Variants in RCAN1 observed in about 807,000 individuals in gnomAD.
The protein encoded by RCAN1 is calcipressin-1.
Under a neutral mutation model 22.9 loss-of-function variants are expected in RCAN1, and 11 were observed. The ratio of observed to expected loss-of-function variants is 0.48; its 90% CI spans 0.30 to 0.79. The LOEUF is 0.79. Ranked by LOEUF, RCAN1 falls within the 30% of genes least tolerant of loss-of-function variation. RCAN1 has a pLI of 0.06. For missense variants in RCAN1, 291 were observed against 337.8 expected (o/e 0.86, Z 1.09); for synonymous variants, 136 against 142.3 (o/e 0.96, Z 0.32).
In RCAN1 at chr21:34,556,877, T is replaced by C. The variant is rs560496813; in HGVS notation, c.253-33167A>G. ...GCCATGCTGAGAAGGGTGCTTTCAC[T>C]GCACTCCTGATGAAAATATGGGGAC... On this transcript the variant is annotated intron_variant, in intron 1 of 3. Transcript: ENST00000313806. Among the ~76,000 whole-genome samples the C allele has an allele frequency of 1.4e-3, 219 of 152,296 alleles. 1 individual carries two copies. The highest frequency in any genetic ancestry group is 2.6e-3 in the Non-Finnish European group (178 of 68,024).
chr21:34,552,138 C>T (rs1986392277), intron 1 of RCAN1, among the ~76,000 whole-genome samples: 1 of 152,144 alleles, frequency 6.6e-6, no homozygotes, highest in South Asian at 2.1e-4. Flanking sequence ...GAAGGGCTGG[C>T]TCTGCATTAC....
chr21:34,577,471 C>T (rs186387876), intron 1 of RCAN1, among the ~76,000 whole-genome samples: 44 of 152,052 alleles, frequency 2.9e-4, no homozygotes, highest in African/African-American at 2.9e-4. Context: ...TGGTGGTGTG[C>T]GCCTGTAGTC....
chr21:34,546,460 A>C (rs905715021), intron 1 of RCAN1, among the ~76,000 whole-genome samples: 1 of 152,178 alleles, frequency 6.6e-6, no homozygotes, highest in African/African-American at 2.4e-5. Context: ...TTGTACAATT[A>C]AATTGTCTGA....
At chr21:34,526,764 G>A (rs536647839) in intron 1 of RCAN1, 2 of 1,607,978 alleles carry the variant, frequency 1.2e-6, no homozygotes, top group African/African-American at 2.7e-5. Context: ...CTTTCTTACA[G>A]TGAAAGCGCT....
chr21:34,542,656 T>C (rs1331886534), intron 1 of RCAN1, among the ~76,000 whole-genome samples: 1 of 152,180 alleles, frequency 6.6e-6, no homozygotes, highest in Non-Finnish European at 1.5e-5. Flanking sequence ...TTTACAGCCA[T>C]TACGTTTTGG....
Position 34,517,892 on chromosome 21 carries a change from C to A in RCAN1, c.*192G>T. ...ATTGGCCCAAGTCATTCCCGGGTGC[C>A]ATGAACAGTAACTGGTGTGCAGCAT... On this transcript the variant is annotated 3_prime_UTR_variant, in exon 4 of 4. Transcript: ENST00000313806. 1.6e-6 allele frequency: 1 copy of A among 639,136 alleles called. No homozygotes were observed. The highest frequency in any genetic ancestry group is 2.7e-6 in the Non-Finnish European group (1 of 371,492). The allele number at this position is 639,136 out of a possible 1,614,324, so 39.6% of individuals were successfully genotyped here.
intron 1 of RCAN1, chr21:34,613,866 C>T: frequency 2.1e-6 from 3 of 1,419,030 alleles, no homozygotes; most frequent in Non-Finnish European, 2.8e-6. Flanking sequence ...TGTGGACCCA[C>T]AGCCAAGCGC....
intron 1 of RCAN1, among the ~76,000 whole-genome samples, chr21:34,582,852 G>A (rs575821719): frequency 2.6e-5 from 4 of 152,280 alleles, no homozygotes; most frequent in African/African-American, 9.6e-5. Flanking sequence ...GAGAGAGGGA[G>A]GGTAAAAAGC....
intron 1 of RCAN1, 59 bp from the exon 2 acceptor site, chr21:34,523,769 T>A: frequency 2.2e-6 from 3 of 1,369,310 alleles, no homozygotes; most frequent in Non-Finnish European, 3.0e-6. Context: ...GACCCTTGAC[T>A]AGATGATGTC....
intron 1 of RCAN1, among the ~76,000 whole-genome samples, chr21:34,571,669 C>A (rs1290820538): frequency 6.6e-6 from 1 of 152,168 alleles, no homozygotes; most frequent in Non-Finnish European, 1.5e-5. Flanking sequence ...GATCCTCCCA[C>A]CTCAGCCTCC....
chr21:34,526,586 C>G, intron 1 of RCAN1: 1 of 1,418,014 alleles, frequency 7.1e-7, no homozygotes, highest in Admixed American at 2.3e-5. Flanking sequence ...CACATTCTCC[C>G]AAGTATTCAG....
chr21:34,596,563 G>A (rs942822715), intron 1 of RCAN1, among the ~76,000 whole-genome samples: 4 of 152,130 alleles, frequency 2.6e-5, no homozygotes, highest in African/African-American at 4.8e-5. Flanking sequence ...CCCTGACCAC[G>A]GCAGGCTGGG....
intron 1 of RCAN1, among the ~76,000 whole-genome samples, chr21:34,592,645 G>GATA (rs1194271344): frequency 6.6e-6 from 1 of 152,060 alleles, no homozygotes; most frequent in Admixed American, 6.5e-5. Context: ...TCTATAAGAG[G>GATA]ATAATCATTT....
intron 3 of RCAN1, among the ~76,000 whole-genome samples, chr21:34,519,238 A>G (rs1000701456): frequency 9.2e-5 from 14 of 152,126 alleles, no homozygotes; most frequent in African/African-American, 3.4e-4. Flanking sequence ...TGGAGACTGC[A>G]TCGTTATTGG....
At chr21:34,564,676 A>G (rs1986938774) in intron 1 of RCAN1, among the ~76,000 whole-genome samples, 1 of 152,170 alleles carries the variant, frequency 6.6e-6, no homozygotes, top group Admixed American at 6.5e-5. Context: ...GTTGGATACA[A>G]TATTCATTAA....
At chr21:34,599,749 C>A (rs902921414) in intron 1 of RCAN1, among the ~76,000 whole-genome samples, 1 of 151,878 alleles carries the variant, frequency 6.6e-6, no homozygotes, top group African/African-American at 2.4e-5. Context: ...TGATTTGAGG[C>A]GTAATTAACA....
At chr21:34,577,406 T>C (rs1369022215) in intron 1 of RCAN1, among the ~76,000 whole-genome samples, 1 of 152,062 alleles carries the variant, frequency 6.6e-6, no homozygotes, top group African/African-American at 2.4e-5. Context: ...GAGATCAGCC[T>C]GGGCAACATG....
intron 2 of RCAN1, chr21:34,523,262 C>G (rs961776370): frequency 2.5e-6 from 1 of 402,618 alleles, no homozygotes; most frequent in African/African-American, 2.0e-5. Flanking sequence ...CCCCGCTGCA[C>G]CCTGCAAGCT....
intron 1 of RCAN1, among the ~76,000 whole-genome samples, chr21:34,549,992 C>A (rs994291787): frequency 7.2e-5 from 11 of 152,054 alleles, no homozygotes; most frequent in African/African-American, 2.4e-4. Flanking sequence ...GACAGGGCGG[C>A]ACATCAATGA....
Sources: allele counts gnomAD v4.1 joint callset (sites outside exome capture counted in the v4.1 genomes callset), GRCh38; gene constraint gnomAD v4.1.1; transcripts MANE v1.5; gene names NCBI Gene and HGNC (gene_info 2026-07-23, HGNC 2026-07-21).